Variants in LPAR3 observed in about 807,000 individuals in gnomAD.
LPAR3 encodes LPA receptor 3.
LPAR3 carries 7 observed loss-of-function variants against 17.8 expected under a neutral mutation model. The observed-to-expected ratio is 0.39, with a 90% CI of 0.22 to 0.74. LPAR3 has a LOEUF of 0.74. Ranked by LOEUF, LPAR3 falls within the 30% of genes least tolerant of loss-of-function variation. The probability of loss-of-function intolerance (pLI) is 0.40; values close to 1 mark genes in which losing one functional copy is unlikely to be tolerated. For synonymous variants in LPAR3, 179 were observed against 179.9 expected, an observed-to-expected ratio of 0.99 and a Z score of 0.04; for missense variants, 391 against 453.4, an observed-to-expected ratio of 0.86 and a Z score of 1.25.
intron 2 of LPAR3, among the ~76,000 whole-genome samples, chr1:84,864,782 G>A (rs954154133): frequency 1.1e-4 from 16 of 151,530 alleles, no homozygotes; most frequent in African/African-American, 1.7e-4. Flanking sequence ...GTGAGGCTCC[G>A]GCAAAAAAAG....
At chr1:84,826,802 A>AT (rs1659165438) in intron 2 of LPAR3, among the ~76,000 whole-genome samples, 1 of 152,112 alleles carries the variant, frequency 6.6e-6, no homozygotes. Flanking sequence ...GATTCAAATG[A>AT]TTTTTACCTC....
In LPAR3 at chr1:84,866,130, G is replaced by GAAT; in HGVS notation, c.-11_-10insATT. 6.4e-7 allele frequency: 1 copy of GAAT among 1,560,856 alleles called. No homozygotes were observed. The highest frequency in any genetic ancestry group is 8.6e-7 in the Non-Finnish European group (1 of 1,158,098). On this transcript the variant is annotated 5_prime_UTR_variant, in exon 2 of 3. Coordinates refer to ENST00000370611, the MANE Select transcript of LPAR3 (RefSeq NM_012152.3). ...AGTGACACTCATTCATTGTGGAGAAGTGAACATCCTAGAAAGAAATTTAAA... is the reference window on the plus strand; with the variant it reads ...AGTGACACTCATTCATTGTGGAGAAGAATTGAACATCCTAGAAAGAAATTTAAA...
At chr1:84,840,202 T>G (rs919399946) in intron 2 of LPAR3, among the ~76,000 whole-genome samples, 4 of 152,332 alleles carry the variant, frequency 2.6e-5, no homozygotes, top group African/African-American at 9.6e-5. Context: ...TGGAATTACA[T>G]GTATGAGCCG....
At chr1:84,836,338 T>TAAAAA (rs77497063) in intron 2 of LPAR3, among the ~76,000 whole-genome samples, 2 of 129,084 alleles carry the variant, frequency 1.5e-5, no homozygotes, top group Non-Finnish European at 1.6e-5. Context: ...ATCCTGTCTT[T>TAAAAA]AAAAAAAAAA....
At chr1:84,826,504 T>C (rs1659159954) in intron 2 of LPAR3, among the ~76,000 whole-genome samples, 1 of 152,066 alleles carries the variant, frequency 6.6e-6, no homozygotes, top group African/African-American at 2.4e-5. Context: ...AGGAATTTTA[T>C]AATGCAGCTA....
intron 1 of LPAR3, among the ~76,000 whole-genome samples, chr1:84,879,849 C>G (rs1054057080): frequency 2.0e-5 from 3 of 152,178 alleles, no homozygotes; most frequent in Non-Finnish European, 4.4e-5. Flanking sequence ...CATAAACAGG[C>G]CTGTGATCCA....
intron 2 of LPAR3, among the ~76,000 whole-genome samples, chr1:84,851,972 C>T (rs962626079): frequency 5.3e-5 from 8 of 151,900 alleles, no homozygotes; most frequent in African/African-American, 1.7e-4. Flanking sequence ...CGGAGATGAC[C>T]GTTAGCAACA....
At chr1:84,856,358 T>C (rs572108256) in intron 2 of LPAR3, among the ~76,000 whole-genome samples, 2 of 152,346 alleles carry the variant, frequency 1.3e-5, no homozygotes, top group Non-Finnish European at 2.9e-5. Context: ...AATCTGTTCA[T>C]TTCACTCAGC....
chr1:84,835,320 C>T (rs1210926495), intron 2 of LPAR3, among the ~76,000 whole-genome samples: 2 of 152,176 alleles, frequency 1.3e-5, no homozygotes, highest in South Asian at 2.1e-4. Context: ...TGGAGAACCA[C>T]GTGGGCATGA....
rs375964275 is a variant in LPAR3, at chr1:84,820,271, G to C, written c.737-6100C>G. Reference sequence around the variant, plus strand: ...AGGTGTGTTCTAAGCTCCCTAAGCAGGTATGCTGTGCCTCATGTGTTTGTA... The same window carrying C: ...AGGTGTGTTCTAAGCTCCCTAAGCACGTATGCTGTGCCTCATGTGTTTGTA... On this transcript the variant is annotated intron_variant, in intron 2 of 2. Transcript: ENST00000370611. Among the ~76,000 whole-genome samples the C allele has an allele frequency of 4.5e-4, 69 of 152,292 alleles. 2 individuals are homozygous for C. The highest frequency in any genetic ancestry group is 1.6e-3 in the African/African-American group (68 of 41,558).
intron 2 of LPAR3, among the ~76,000 whole-genome samples, chr1:84,850,409 A>AAAAAAAAAG (rs1557598671): frequency 4.0e-5 from 6 of 151,018 alleles, no homozygotes; most frequent in South Asian, 2.1e-4. Context: ...AAAAAAAAAA[A>AAAAAAAAAG]AAAAAAAAGA....
intron 1 of LPAR3, among the ~76,000 whole-genome samples, chr1:84,890,245 G>A (rs1428573466): frequency 2.2e-5 from 2 of 91,946 alleles, no homozygotes; most frequent in African/African-American, 8.4e-5. Flanking sequence ...AAAGGCCCAT[G>A]GCCAGGAAAA....
intron 1 of LPAR3, among the ~76,000 whole-genome samples, chr1:84,881,958 A>G (rs1199383343): frequency 6.6e-6 from 1 of 152,228 alleles, no homozygotes; most frequent in Non-Finnish European, 1.5e-5. Context: ...CTGCTATTCG[A>G]CATAGTATTG....
chr1:84,834,955 G>A (rs1659366750), intron 2 of LPAR3, among the ~76,000 whole-genome samples: 1 of 152,200 alleles, frequency 6.6e-6, no homozygotes, highest in East Asian at 1.9e-4. Flanking sequence ...TTGACAATGA[G>A]TTAAAATATT....
At chr1:84,864,409 C>T (rs11161470) in intron 2 of LPAR3, among the ~76,000 whole-genome samples, 47,752 of 151,994 alleles carry the variant, frequency 0.31, 8,510 homozygotes, top group East Asian at 0.59. Flanking sequence ...ACAAGCTTAG[C>T]ATTCCAATAA....
intron 2 of LPAR3, among the ~76,000 whole-genome samples, chr1:84,837,978 A>G (rs1659437186): frequency 6.6e-6 from 1 of 152,212 alleles, no homozygotes; most frequent in African/African-American, 2.4e-5. Flanking sequence ...TTGTTTAACT[A>G]GATGGCTCCT....
At chr1:84,876,621 C>G (rs1286634453) in intron 1 of LPAR3, among the ~76,000 whole-genome samples, 1 of 152,192 alleles carries the variant, frequency 6.6e-6, no homozygotes, top group Non-Finnish European at 1.5e-5. Flanking sequence ...TCTACGATCT[C>G]TGCCCTCACT....
At chr1:84,816,708 G>A (rs1380551138) in intron 2 of LPAR3, among the ~76,000 whole-genome samples, 1 of 152,194 alleles carries the variant, frequency 6.6e-6, no homozygotes, top group Non-Finnish European at 1.5e-5. Context: ...TGAGGCAGGA[G>A]GATTGTTTGA....
chr1:84,828,707 T>C (rs1318037847), intron 2 of LPAR3, among the ~76,000 whole-genome samples: 2 of 152,200 alleles, frequency 1.3e-5, no homozygotes, highest in Non-Finnish European at 2.9e-5. Flanking sequence ...TTCTTCTTTA[T>C]ACACTTTTCT....
Sources: allele counts gnomAD v4.1 joint callset (sites outside exome capture counted in the v4.1 genomes callset), GRCh38; gene constraint gnomAD v4.1.1; transcripts MANE v1.5; gene names NCBI Gene and HGNC (gene_info 2026-07-23, HGNC 2026-07-21).